CLUL1: variants seen among roughly 807,000 people sequenced by gnomAD.
The protein encoded by CLUL1 is clusterin-like protein 1.
In CLUL1, 43 loss-of-function variants were observed where a neutral mutation model predicts 49.4. The observed-to-expected ratio is 0.87, with a 90% CI of 0.68 to 1.12. The LOEUF (loss-of-function observed/expected upper bound fraction) is 1.12, where lower values mean the gene tolerates loss of function less well. Among genes scored for constraint, CLUL1 ranks in the 50% most tolerant of loss-of-function variants. CLUL1 has a pLI of 0.00. For synonymous variants in CLUL1, 192 were observed against 184.9 expected (o/e 1.04, Z -0.31); for missense variants, 486 against 544.4 (o/e 0.89, Z 1.07).
Position 650,058 on chromosome 18 carries a change from G to C in CLUL1, c.*157G>C. The stretch of plus-strand genomic sequence containing the variant: ...ACTCTTAGTTTACTTATGTTGAATG[G>C]CTTAGCTATTAATACTCAAATTGAG... On this transcript the variant is annotated 3_prime_UTR_variant, in exon 10 of 10. Transcript: ENST00000692774. 1 of 520,138 alleles carries C rather than the reference G, an allele frequency of 1.9e-6. No individual in the cohort carries two copies. The highest frequency in any genetic ancestry group is 3.4e-6 in the Non-Finnish European group (1 of 292,736). 32.2% of individuals were successfully genotyped at this position (520,138 alleles called of 1,614,324 possible). A position where few individuals can be genotyped will look rare whatever the true frequency, so the allele number is the denominator to read the frequency against.
intron 9 of CLUL1, among the ~76,000 whole-genome samples, chr18:649,332 C>A (rs1286232732): frequency 6.6e-6 from 1 of 152,228 alleles, no homozygotes; most frequent in Non-Finnish European, 1.5e-5. Context: ...ATATTTAGAA[C>A]CCTCTTCTGG....
At position 606,998 on chromosome 18, in the gene CLUL1, C is replaced by A; in HGVS notation, c.-115C>A. 1 of 652,832 alleles carries A rather than the reference C, an allele frequency of 1.5e-6. No individual in the cohort carries two copies. The highest frequency in any genetic ancestry group is 1.7e-5 in the South Asian group (1 of 59,996). 40.4% of individuals were successfully genotyped at this position (652,832 alleles called of 1,614,324 possible). The stretch of plus-strand genomic sequence containing the variant: ...TTTAGAGTTGCGTCCCTCTCGGTTG[C>A]CAGGCTGGAGTTCAGTGGCATGTTC... On this transcript the variant is annotated 5_prime_UTR_variant, in exon 2 of 10. Transcript: ENST00000692774. This position sits in a 1 kb window ranked among gnomAD's most constrained non-coding sequence, Gnocchi z 4.1.
chr18:617,645 C>T (rs914982058), intron 2 of CLUL1, among the ~76,000 whole-genome samples: 10 of 142,436 alleles, frequency 7.0e-5, no homozygotes, highest in Non-Finnish European at 1.1e-4. Context: ...ATCCCTCTAA[C>T]AGATTCGAAT....
chr18:633,915 A>G (rs757787772), intron 7 of CLUL1, among the ~76,000 whole-genome samples: 1 of 151,752 alleles, frequency 6.6e-6, no homozygotes, highest in African/African-American at 2.4e-5. Flanking sequence ...AATTAAGTTT[A>G]AAAGTAGAAG....
intron 4 of CLUL1, among the ~76,000 whole-genome samples, chr18:619,634 C>T: frequency 6.6e-6 from 1 of 151,778 alleles, no homozygotes; most frequent in South Asian, 2.1e-4. Flanking sequence ...TTGGTCTCTT[C>T]TGAGTTAGGA....
chr18:642,246 T>C (rs1598446118), intron 8 of CLUL1, among the ~76,000 whole-genome samples: 2 of 152,216 alleles, frequency 1.3e-5, no homozygotes, highest in East Asian at 3.9e-4. Flanking sequence ...GCCTGGCTAA[T>C]GTGGCGAAAC....
Position 619,370 on chromosome 18 carries a change from A to G in CLUL1, c.255+9A>G, listed in dbSNP as rs1372287127. The G allele has an allele frequency of 2.5e-6, 4 of 1,608,092 alleles. No homozygotes were observed. The highest frequency in any genetic ancestry group is 2.5e-6 in the Non-Finnish European group (3 of 1,177,722). On this transcript the variant is annotated intron_variant, in intron 4 of 9. Transcript: ENST00000692774. ...GCAGAGAAGAAAAGCAGGTACAGTCATTGAAAATAATGTCTGTTCTTACAC... is the reference window on the plus strand; with the variant it reads ...GCAGAGAAGAAAAGCAGGTACAGTCGTTGAAAATAATGTCTGTTCTTACAC...
At chr18:599,588 C>A (rs560881755) in intron 1 of CLUL1, among the ~76,000 whole-genome samples, 36 of 151,820 alleles carry the variant, frequency 2.4e-4, no homozygotes, top group African/African-American at 8.5e-4. Context: ...TTTTTATCAC[C>A]AGATTTATTT....
At position 617,995 on chromosome 18, in the gene CLUL1, G is replaced by A. The variant is rs1234871327; in HGVS notation, c.-6G>A. 1.2e-5 allele frequency: 19 copies of A among 1,613,622 alleles called. No homozygotes were observed. The highest frequency in any genetic ancestry group is 1.6e-4 in the Middle Eastern group (1 of 6,082). On this transcript the variant is annotated 5_prime_UTR_variant, in exon 3 of 10. Coordinates refer to ENST00000692774, the MANE Select transcript of CLUL1 (RefSeq NM_001393344.1). ...TTTATTTTTCCTTTGCAGTAACAGC[G>A]GGAACATGAAGCCGCCACTCTTGGT...
rs116730736 is a variant in CLUL1, at chr18:632,749, C to G, written c.857-549C>G. Among the ~76,000 whole-genome samples the G allele has an allele frequency of 7.9e-3, 1,206 of 152,278 alleles. 18 individuals carry two copies. Among genetic ancestry groups the G allele is most frequent in the African/African-American group, 0.028 (1,149 of 41,540 alleles). On this transcript the variant is annotated intron_variant, in intron 6 of 9. Coordinates refer to ENST00000692774, the MANE Select transcript of CLUL1 (RefSeq NM_001393344.1). The stretch of plus-strand genomic sequence containing the variant: ...ATGCATTAATATATGTGTGTATATA[C>G]TACTAATAAATTTCTAGTAATGAGA...
chr18:597,338 C>T (rs1043006198), intron 1 of CLUL1, among the ~76,000 whole-genome samples: 2 of 152,208 alleles, frequency 1.3e-5, no homozygotes, highest in African/African-American at 4.8e-5. Flanking sequence ...CTCAGGCAAT[C>T]TCCTGGGCTG....
At chr18:641,969 A>G (rs1465264785) in intron 8 of CLUL1, among the ~76,000 whole-genome samples, 1 of 152,224 alleles carries the variant, frequency 6.6e-6, no homozygotes, top group Non-Finnish European at 1.5e-5. Flanking sequence ...CCACCTGTAA[A>G]ATGGTAACAA....
At chr18:630,582 C>T (rs1287013085) in intron 6 of CLUL1, among the ~76,000 whole-genome samples, 1 of 150,418 alleles carries the variant, frequency 6.6e-6, no homozygotes. Flanking sequence ...GGCCAGGAGC[C>T]GAGTAATGTA....
intron 2 of CLUL1, chr18:613,130 A>T: frequency 2.8e-6 from 1 of 359,236 alleles, no homozygotes; most frequent in East Asian, 3.9e-5. Flanking sequence ...ATGAAACTAA[A>T]ACAATTATTT....
chr18:619,536 G>A (rs756589124), intron 4 of CLUL1, among the ~76,000 whole-genome samples, 175 bp downstream of exon 4: 18 of 152,090 alleles, frequency 1.2e-4, no homozygotes, highest in African/African-American at 1.7e-4. Flanking sequence ...AACATATTTC[G>A]TGTAGGATAG....
At chr18:639,033 G>A (rs1453400051) in intron 7 of CLUL1, among the ~76,000 whole-genome samples, 1 of 152,092 alleles carries the variant, frequency 6.6e-6, no homozygotes, top group African/African-American at 2.4e-5. Context: ...CATATCATGT[G>A]CCTATATACA....
intron 6 of CLUL1, among the ~76,000 whole-genome samples, chr18:629,910 T>G (rs1335226161): frequency 6.6e-6 from 1 of 152,082 alleles, no homozygotes; most frequent in African/African-American, 2.4e-5. Context: ...GACAGGTAGT[T>G]GGTGAGGAAT....
chr18:633,396 C>A lies in CLUL1; in HGVS notation c.955C>A (p.His319Asn). ...DQNLSRCFKF[H>N]EKCQKCQAHL... ...GAATTTGTCAAGATGTTTCAAATTT[C>A]ATGAAAAATGCCAAAAATGTCAGGC... The change falls in exon 7 of 10, where the codon CAT (histidine) becomes AAT (asparagine). Residue 319 changes from histidine (H) to asparagine (N), a missense_variant. Coordinates refer to ENST00000692774, the MANE Select transcript of CLUL1 (RefSeq NM_001393344.1). 6.2e-7 allele frequency: 1 copy of A among 1,613,914 alleles called. No individual in the cohort carries two copies. The highest frequency in any genetic ancestry group is 1.1e-5 in the South Asian group (1 of 91,056).
rs758743019 is a variant in CLUL1, at chr18:617,987, G to A, written c.-13-1G>A. 6.2e-7 allele frequency: 1 copy of A among 1,612,858 alleles called. No homozygotes were observed. The highest frequency in any genetic ancestry group is 1.7e-5 in the Admixed American group (1 of 59,884). On this transcript the variant is annotated splice_acceptor_variant, in intron 2 of 9. Coordinates refer to ENST00000692774, the MANE Select transcript of CLUL1 (RefSeq NM_001393344.1). LOFTEE classifies it low-confidence loss of function (5UTR_SPLICE). ...GATGCGGGTTTATTTTTCCTTTGCA[G>A]TAACAGCGGGAACATGAAGCCGCCA...
Sources: allele counts gnomAD v4.1 joint callset (sites outside exome capture counted in the v4.1 genomes callset), GRCh38; gene constraint gnomAD v4.1.1; non-coding constraint Gnocchi (gnomAD v3.1); transcripts MANE v1.5; gene names NCBI Gene and HGNC (gene_info 2026-07-23, HGNC 2026-07-21).